The following DYNC2H1 variants were observed in gnomAD, a reference collection of about 807,000 sequenced individuals.
The protein encoded by DYNC2H1 is dynein cytoplasmic 2 heavy chain 1.
A neutral mutation model predicts 570.0 loss-of-function variants in DYNC2H1; 410 were observed. The ratio of observed to expected loss-of-function variants is 0.72; its 90% CI spans 0.66 to 0.78. The LOEUF is 0.78. DYNC2H1 is among the 30% of genes least tolerant of loss of function. DYNC2H1 has a pLI of 0.00. For synonymous variants in DYNC2H1, 1,688 were observed against 1,677.6 expected, an observed-to-expected ratio of 1.01 and a Z score of -0.15; for missense variants, 4,865 against 5,046.4, an observed-to-expected ratio of 0.96 and a Z score of 1.09.
chr11:103,296,586 T>G (rs1181349186), intron 75 of DYNC2H1, among the ~76,000 whole-genome samples: 1 of 152,208 alleles, frequency 6.6e-6, no homozygotes, highest in Non-Finnish European at 1.5e-5. Flanking sequence ...ATCTACCATT[T>G]GCCTTAGTAC....
chr11:103,387,620 T>A (rs1941944349), intron 83 of DYNC2H1, among the ~76,000 whole-genome samples: 1 of 152,172 alleles, frequency 6.6e-6, no homozygotes, highest in Non-Finnish European at 1.5e-5. Flanking sequence ...TCTTCTAGGG[T>A]TTTTATGGTT....
intron 63 of DYNC2H1, among the ~76,000 whole-genome samples, chr11:103,238,740 T>C (rs1321153166): frequency 6.6e-6 from 1 of 152,208 alleles, no homozygotes; most frequent in Non-Finnish European, 1.5e-5. Flanking sequence ...TTAAGCTAAC[T>C]ATTGAAGTGC....
chr11:103,154,235 C>T (rs1860702016), intron 22 of DYNC2H1, among the ~76,000 whole-genome samples: 3 of 151,858 alleles, frequency 2.0e-5, no homozygotes. Context: ...TTATAGAGTT[C>T]ATATATGAGT....
intron 17 of DYNC2H1, among the ~76,000 whole-genome samples, chr11:103,141,318 T>C (rs1859912579): frequency 6.6e-6 from 1 of 152,200 alleles, no homozygotes; most frequent in Non-Finnish European, 1.5e-5. Context: ...TGCTCTGTTT[T>C]TTTCCCCATG....
In DYNC2H1 at chr11:103,243,671, C is replaced by T. The variant is rs1864502876; in HGVS notation, c.9820-22C>T. ...AGCTTATAATCATTAAAAAACATTA[C>T]TTTTCCTTTTTTTTATACTAGAGTC... On this transcript the variant is annotated intron_variant, in intron 63 of 88. Transcript: ENST00000375735. The surrounding 1 kb of genome is among the most constrained non-coding windows in gnomAD (Gnocchi z 4.8). The T allele has an allele frequency of 6.6e-7, 1 of 1,509,226 alleles. No individual in the cohort carries two copies. The allele number at this position is 1,509,226 out of a possible 1,614,324, so 93.5% of individuals were successfully genotyped here.
At chr11:103,404,274 C>T (rs1020667013) in intron 84 of DYNC2H1, 2 of 151,456 alleles carry the variant, frequency 1.3e-5, no homozygotes, top group Non-Finnish European at 2.9e-5. Context: ...TGGCTAGAAA[C>T]CAGTTTCAGG....
Position 103,290,966 on chromosome 11 carries a change from A to T in DYNC2H1, c.11095+3361A>T, listed in dbSNP as rs1306014466. Among the ~76,000 whole-genome samples, 3 of 152,232 alleles carry T rather than the reference A, an allele frequency of 2.0e-5. No individual in the cohort carries two copies. In the East Asian group the frequency reaches 5.8e-4, roughly 29 times the overall value. On this transcript the variant is annotated intron_variant, in intron 75 of 88. Transcript: ENST00000375735. ...TACATATCCACCTCTGCAACTAATC[A>T]CATCAGAAATATGTGGAATTACATT...
At position 103,399,892 on chromosome 11, in the gene DYNC2H1, A is replaced by G. The variant is rs759142318; in HGVS notation, c.12366+20A>G. 8 of 1,587,430 alleles carry G rather than the reference A, an allele frequency of 5.0e-6. No individual in the cohort carries two copies. The East Asian group carries it at 1.6e-4, about 31-fold the overall frequency. On this transcript the variant is annotated intron_variant, in intron 84 of 88. Transcript: ENST00000375735. ...CAAAAGGTAAGCGAGTACTAACTGTATGTATTTTTATTTCATTGTTATAAG... is the reference window on the plus strand; with the variant it reads ...CAAAAGGTAAGCGAGTACTAACTGTGTGTATTTTTATTTCATTGTTATAAG...
In DYNC2H1 at chr11:103,245,332, C is replaced by T; in HGVS notation, c.10000C>T (p.Pro3334Ser). The change falls in exon 65 of 89, where the codon CCT (proline) becomes TCT (serine). Residue 3334 changes from proline to serine, a missense_variant. By Grantham distance (74) the Pro-to-Ser change is moderately conservative (BLOSUM62 -1). Around this residue, in one of 5 missense-constraint regions of DYNC2H1, gnomAD observed 2,401 missense variants for 2,454.6 expected, o/e 0.98. Coordinates refer to ENST00000375735, the MANE Select transcript of DYNC2H1 (RefSeq NM_001377.3). The surrounding 1 kb of genome is among the most constrained non-coding windows in gnomAD (Gnocchi z 4.5). ...TATACAAGAGATGGATGGTGTAGAA[C>T]CTGTTCTTTATCCATTATTGAGACG... ...LIIQEMDGVE[P>S]VLYPLLRRDL... The T allele has an allele frequency of 6.3e-7, 1 of 1,581,156 alleles. No homozygotes were observed. Among genetic ancestry groups the T allele is most frequent in the Non-Finnish European group, 8.6e-7 (1 of 1,162,468 alleles).
intron 70 of DYNC2H1, among the ~76,000 whole-genome samples, chr11:103,272,917 C>T (rs1219162799): frequency 1.3e-5 from 2 of 151,854 alleles, no homozygotes; most frequent in African/African-American, 4.8e-5. Context: ...TATATATCCC[C>T]TTGATATTAA....
At chr11:103,140,166 C>T (rs1859822890) in intron 17 of DYNC2H1, among the ~76,000 whole-genome samples, 1 of 152,124 alleles carries the variant, frequency 6.6e-6, no homozygotes, top group African/African-American at 2.4e-5. Context: ...GACTCTTTAT[C>T]CAATTTGCCA....
intron 59 of DYNC2H1, among the ~76,000 whole-genome samples, chr11:103,226,441 T>C (rs1863804343): frequency 6.6e-6 from 1 of 152,248 alleles, no homozygotes; most frequent in Admixed American, 6.5e-5. Context: ...CTGGATTTTG[T>C]TAAATGCTTT....
rs184095223 is a variant in DYNC2H1, at chr11:103,342,090, G to A, written c.12040-16153G>A. Among the ~76,000 whole-genome samples the A allele has an allele frequency of 4.9e-4, 74 of 152,282 alleles. 1 individual carries two copies. Among genetic ancestry groups the A allele is most frequent in the African/African-American group, 1.5e-3 (63 of 41,552 alleles). ...TGGGAGGTCAAGGCTAAAGTGATCC[G>A]TGATCATGCTGAGAGGTGAAGCCAG... is the stretch of plus-strand genomic sequence containing the variant. On this transcript the variant is annotated intron_variant, in intron 82 of 88. Transcript: ENST00000375735.
intron 17 of DYNC2H1, 103 bp from the exon 18 acceptor site, chr11:103,143,165 A>G (rs1278861894): frequency 4.9e-6 from 6 of 1,218,518 alleles, no homozygotes; most frequent in Non-Finnish European, 6.9e-6. Flanking sequence ...AATACCTCAT[A>G]TTTTCCTCTT....
chr11:103,265,016 CAAAG>C (rs1865452089), intron 70 of DYNC2H1, among the ~76,000 whole-genome samples: 5 of 152,188 alleles, frequency 3.3e-5, no homozygotes, highest in African/African-American at 1.2e-4. Context: ...GCAACTTCAG[CAAAG>C]TCTCAGGATA....
intron 52 of DYNC2H1, among the ~76,000 whole-genome samples, chr11:103,206,066 G>GCA (rs1862910050): frequency 4.6e-5 from 7 of 152,150 alleles, no homozygotes; most frequent in Admixed American, 3.3e-4. Context: ...ACAAATGATT[G>GCA]CAGTAATCCA....
intron 85 of DYNC2H1, among the ~76,000 whole-genome samples, chr11:103,444,296 G>C (rs1407861783): frequency 6.6e-6 from 1 of 151,552 alleles, no homozygotes; most frequent in Non-Finnish European, 1.5e-5. Context: ...TAATGATTCA[G>C]ACTAAGATAA....
chr11:103,318,589 A>G (rs983570104), intron 80 of DYNC2H1, among the ~76,000 whole-genome samples: 2 of 152,140 alleles, frequency 1.3e-5, no homozygotes, highest in Admixed American at 6.6e-5. Flanking sequence ...TAATGCTGCT[A>G]TACCTTTAGG....
intron 68 of DYNC2H1, among the ~76,000 whole-genome samples, 153 bp from the exon 69 acceptor site, chr11:103,257,455 A>G (rs1330203204): frequency 1.3e-5 from 2 of 152,224 alleles, no homozygotes; most frequent in Non-Finnish European, 2.9e-5. Context: ...GTTAGAAACC[A>G]TGATTCATCA....
Sources: gnomAD v4.1 joint callset for allele counts (sites outside exome capture counted in the v4.1 genomes callset) on GRCh38, gnomAD v4.1.1 for gene constraint, gnomAD v4.1.1 regional missense constraint, Gnocchi (gnomAD v3.1) non-coding constraint, MANE v1.5 for transcripts, NCBI Gene and HGNC (gene_info 2026-07-23, HGNC 2026-07-21) for gene names.